The following R3HDML variants were observed in gnomAD, a reference collection of about 807,000 sequenced individuals.
R3HDML encodes the protein R3H domain containing like.
Under a neutral mutation model 24.2 loss-of-function variants are expected in R3HDML, and 21 were observed. That is an observed-to-expected ratio of 0.87 (90% confidence interval 0.62 to 1.25). The LOEUF (loss-of-function observed/expected upper bound fraction) is 1.25. R3HDML is among the 50% of genes most tolerant of loss of function. The pLI is 0.00. For missense variants in R3HDML, 301 were observed against 340.3 expected (o/e 0.88, Z 0.91); for synonymous variants, 133 against 131.5 (o/e 1.01, Z -0.08).
At position 44,337,101 on chromosome 20, in the gene R3HDML, C is replaced by T. The variant is rs2062759171; in HGVS notation, c.-57C>T. On this transcript the variant is annotated 5_prime_UTR_variant, in exon 1 of 5. Coordinates refer to ENST00000217043, the MANE Select transcript of R3HDML (RefSeq NM_178491.4). This position sits in a 1 kb window ranked among gnomAD's most constrained non-coding sequence, Gnocchi z 4.7. The stretch of plus-strand genomic sequence containing the variant: ...GGGTCTGGTGCTCTCGTGCCTGCCC[C>T]TTCCAGGCAGCCGGCTCTGATTGCA... 1 of 1,562,300 alleles carries T rather than the reference C, an allele frequency of 6.4e-7. No individual in the cohort carries two copies. Among genetic ancestry groups the T allele is most frequent in the Middle Eastern group, 1.7e-4 (1 of 5,796 alleles).
intron 2 of R3HDML, among the ~76,000 whole-genome samples, chr20:44,342,665 T>G (rs1600599921): frequency 6.6e-6 from 1 of 152,194 alleles, no homozygotes; most frequent in Admixed American, 6.5e-5. Flanking sequence ...GAAAAAGCCC[T>G]CAGAGGCCGG....
chr20:44,342,467 C>A (rs946970558), intron 2 of R3HDML, among the ~76,000 whole-genome samples: 12 of 152,152 alleles, frequency 7.9e-5, no homozygotes, highest in African/African-American at 2.9e-4. Flanking sequence ...CGCTGCTGAA[C>A]TCTTCCTGCC....
intron 4 of R3HDML, 34 bp from the exon 5 acceptor site, chr20:44,350,626 C>A (rs751876207): frequency 2.5e-6 from 4 of 1,601,926 alleles, no homozygotes; most frequent in Non-Finnish European, 3.4e-6. Context: ...TCACCTAATG[C>A]TCCTCTGTCT....
rs1434104040 is a variant in R3HDML, at chr20:44,343,392, G to A, written c.396G>A (p.Val132=). 6.2e-7 allele frequency: 1 copy of A among 1,611,670 alleles called. No homozygotes were observed. The highest frequency in any genetic ancestry group is 8.5e-7 in the Non-Finnish European group (1 of 1,178,914). ...SIHSGQYRSV[V]DLMKSWSEEK... is the part of the protein sequence containing the mutation. ...GCCTCCCCAGGTACCGGTCCGTAGT[G>A]GATCTCATGAAGTCCTGGTCTGAGG... Residue 132 remains valine, a synonymous_variant, in exon 3 of 5, where the codon GTG becomes GTA. Transcript: ENST00000217043.
At chr20:44,345,736 AG>A (rs2146112280) in intron 4 of R3HDML, among the ~76,000 whole-genome samples, 1 of 152,174 alleles carries the variant, frequency 6.6e-6, no homozygotes, top group African/African-American at 2.4e-5. Context: ...CAGGAGGTTG[AG>A]GCTGCAGTGA....
chr20:44,338,900 A>G (rs2062764751), intron 1 of R3HDML, among the ~76,000 whole-genome samples: 1 of 151,978 alleles, frequency 6.6e-6, no homozygotes, highest in Admixed American at 6.6e-5. Flanking sequence ...GGTGAAACCC[A>G]GTCTGTACTA....
At chr20:44,350,051 C>G (rs1373141066) in intron 4 of R3HDML, among the ~76,000 whole-genome samples, 1 of 152,082 alleles carries the variant, frequency 6.6e-6, no homozygotes, top group African/African-American at 2.4e-5. Context: ...GACTGGGTGA[C>G]AGAGCGAGAC....
intron 1 of R3HDML, among the ~76,000 whole-genome samples, chr20:44,338,504 G>C (rs555512122): frequency 1.3e-5 from 2 of 152,310 alleles, no homozygotes; most frequent in African/African-American, 4.8e-5. Flanking sequence ...TAGAGTGCAG[G>C]GGAGTCATTG....
At chr20:44,341,566 G>C (rs149280179) in intron 2 of R3HDML, among the ~76,000 whole-genome samples, 2 of 152,204 alleles carry the variant, frequency 1.3e-5, no homozygotes, top group African/African-American at 4.8e-5. Context: ...GGTGGAAAGT[G>C]AGGAGGGATT....
rs1203327799 is a variant in R3HDML, at chr20:44,351,043, A to G, written c.*251A>G. 6 of 411,288 alleles carry G rather than the reference A, an allele frequency of 1.5e-5. No homozygotes were observed. The highest frequency in any genetic ancestry group is 2.9e-5 in the South Asian group (1 of 33,960). 25.5% of individuals were successfully genotyped at this position (411,288 alleles called of 1,614,324 possible). A position where few individuals can be genotyped will look rare whatever the true frequency, so the allele number is the denominator to read the frequency against. On this transcript the variant is annotated 3_prime_UTR_variant, in exon 5 of 5. Coordinates refer to ENST00000217043, the MANE Select transcript of R3HDML (RefSeq NM_178491.4). ...TCTGGGAAAGAGCCCTGCATCTTTC[A>G]TTAATTCGGTTCTCAGAGAACCAAG...
At chr20:44,338,652 G>C (rs1028513020) in intron 1 of R3HDML, among the ~76,000 whole-genome samples, 1 of 152,276 alleles carries the variant, frequency 6.6e-6, no homozygotes, top group South Asian at 2.1e-4. Flanking sequence ...GGAGCAGAGA[G>C]GGTTCAATAT....
Position 44,350,758 on chromosome 20 carries a change from A to G in R3HDML, c.728A>G (p.Lys243Arg), listed in dbSNP as rs2062223737. 5 of 1,613,956 alleles carry G rather than the reference A, an allele frequency of 3.1e-6. No individual in the cohort carries two copies. Among genetic ancestry groups the G allele is most frequent in the Non-Finnish European group, 4.2e-6 (5 of 1,179,982 alleles). The change falls in exon 5 of 5, where the codon AAG becomes AGG. Residue 243 changes from lysine (K) to arginine (R), a missense_variant. Lys to Arg is a conservative substitution (Grantham distance 26, BLOSUM62 2). Transcript: ENST00000217043. Reference sequence around the variant, plus strand: ...AGCTGCAATAGCAACATGTGCTTCAAGGGGCTGAAATCCAACAAGTTCACG... The same window carrying G: ...AGCTGCAATAGCAACATGTGCTTCAGGGGGCTGAAATCCAACAAGTTCACG... ...QGSCNSNMCF[K>R]GLKSNKFTWF
intron 1 of R3HDML, among the ~76,000 whole-genome samples, chr20:44,340,705 C>T (rs906043938): frequency 6.6e-6 from 1 of 152,032 alleles, no homozygotes; most frequent in Non-Finnish European, 1.5e-5. Context: ...AGGATCGCCT[C>T]TCACCTCACC....
In R3HDML at chr20:44,337,676, C is replaced by T. The variant is rs145904883; in HGVS notation, c.261+258C>T. On this transcript the variant is annotated intron_variant, in intron 1 of 4. Coordinates refer to ENST00000217043, the MANE Select transcript of R3HDML (RefSeq NM_178491.4). This position sits in a 1 kb window ranked among gnomAD's most constrained non-coding sequence, Gnocchi z 4.7. ...CTACTATGTAAGGAGCACCACTGTGCGCCAGGCACTGCACGTGAGTATCAT... is the reference window on the plus strand; with the variant it reads ...CTACTATGTAAGGAGCACCACTGTGTGCCAGGCACTGCACGTGAGTATCAT... Among the ~76,000 whole-genome samples the T allele has an allele frequency of 3.9e-5, 6 of 152,288 alleles. No individual in the cohort carries two copies. The highest frequency in any genetic ancestry group is 1.9e-4 in the East Asian group (1 of 5,172).
At chr20:44,342,074 T>C (rs1288095330) in intron 2 of R3HDML, among the ~76,000 whole-genome samples, 1 of 152,184 alleles carries the variant, frequency 6.6e-6, no homozygotes, top group Non-Finnish European at 1.5e-5. Flanking sequence ...AACCTTGGTG[T>C]CCCTGTTTGT....
chr20:44,343,451 A>G lies in R3HDML; in HGVS notation c.455A>G (p.Asp152Gly). 6.2e-7 allele frequency: 1 copy of G among 1,613,100 alleles called. No individual in the cohort carries two copies. The highest frequency in any genetic ancestry group is 8.5e-7 in the Non-Finnish European group (1 of 1,179,564). Residue 152 changes from aspartate (D) to glycine (G), a missense_variant, in exon 3 of 5, where the codon GAC becomes GGC. By Grantham distance (94) the Asp-to-Gly change is moderately conservative. Transcript: ENST00000217043. ...KWHYLFPAPR[D>G]CNPHCPWRCD... ...CATTACTTGTTTCCGGCCCCAAGGG[A>G]CTGTAACCCACACTGCCCCTGGCGC... is the stretch of plus-strand genomic sequence containing the variant.
At chr20:44,347,530 C>T (rs2146113788) in intron 4 of R3HDML, 1 of 152,138 alleles carries the variant, frequency 6.6e-6, no homozygotes, top group Non-Finnish European at 1.5e-5. Flanking sequence ...CCCTAGAATT[C>T]CAAAATTATA....
At chr20:44,347,614 TGAAA>T (rs1198293508) in intron 4 of R3HDML, 3 of 152,186 alleles carry the variant, frequency 2.0e-5, no homozygotes, top group Admixed American at 6.5e-5. Context: ...ATTGAAGAGA[TGAAA>T]GAAAGAAGGA....
chr20:44,340,798 C>T (rs2062770169), intron 1 of R3HDML, among the ~76,000 whole-genome samples: 1 of 151,324 alleles, frequency 6.6e-6, no homozygotes, highest in Non-Finnish European at 1.5e-5. Context: ...AGAGTGAGAT[C>T]CTGTCTCAAA....
Sources: gnomAD v4.1 joint callset for allele counts (sites outside exome capture counted in the v4.1 genomes callset) on GRCh38, gnomAD v4.1.1 for gene constraint, Gnocchi (gnomAD v3.1) non-coding constraint, MANE v1.5 for transcripts, NCBI Gene and HGNC (gene_info 2026-07-23, HGNC 2026-07-21) for gene names.